The following NHS variants were observed in gnomAD, a reference collection of about 807,000 sequenced individuals.
NHS encodes the protein NHS actin remodeling regulator, also known as actin remodeling regulator NHS.
Under a neutral mutation model 72.5 loss-of-function variants are expected in NHS, and 5 were observed. That is an observed-to-expected ratio of 0.07 (90% confidence interval 0.04 to 0.14). NHS has a LOEUF of 0.14. Ranked by LOEUF, NHS falls within the 10% of genes least tolerant of loss-of-function variation. The probability of loss-of-function intolerance (pLI) is 1.00; values close to 1 mark genes in which losing one functional copy is unlikely to be tolerated. For synonymous variants in NHS, 464 were observed against 547.7 expected (o/e 0.85, Z 2.13); for missense variants, 1,072 against 1,355.7 (o/e 0.79, Z 3.29).
intron 1 of NHS, among the ~76,000 whole-genome samples, chrX:17,389,086 C>A (rs2064426091): frequency 8.9e-6 from 1 of 111,761 alleles, no homozygotes; most frequent in African/African-American, 3.3e-5. Flanking sequence ...GATTAATCTG[C>A]TGTCTTGGAA....
chrX:17,712,361 T>TAC (rs745619023), intron 3 of NHS, among the ~76,000 whole-genome samples: 2,107 of 77,021 alleles, frequency 0.027, 39 homozygotes, highest in East Asian at 0.081. Flanking sequence ...CACATTTGTA[T>TAC]ACACACACAC....
chrX:17,546,636 G>T (rs1298123083), intron 1 of NHS, among the ~76,000 whole-genome samples: 1 of 111,702 alleles, frequency 9.0e-6, no homozygotes, highest in Non-Finnish European at 1.9e-5. Context: ...TGCCCACAAG[G>T]AGCTCACACC....
chrX:17,570,375 C>T lies in NHS; in HGVS notation c.566-117367C>T, dbSNP rs757936980. Among the ~76,000 whole-genome samples the T allele has an allele frequency of 4.6e-4, 51 of 111,880 alleles. No homozygotes were observed. In the Middle Eastern group the frequency reaches 0.014, roughly 31 times the overall value. ...AGTGGTTTGTAGTTCTCATTGAAGA[C>T]GTCCTTCACATTCCTTGTAAGTTGT... On this transcript the variant is annotated intron_variant, in intron 1 of 8. Coordinates refer to ENST00000676302, the MANE Select transcript of NHS (RefSeq NM_001291867.2).
intron 1 of NHS, among the ~76,000 whole-genome samples, chrX:17,524,843 A>T: frequency 8.9e-6 from 1 of 112,593 alleles, no homozygotes; most frequent in Admixed American, 9.4e-5. Context: ...TAAATATCCC[A>T]TTCCTCATCA....
chrX:17,558,541 G>A (rs1174780442), intron 1 of NHS, among the ~76,000 whole-genome samples: 1 of 112,448 alleles, frequency 8.9e-6, no homozygotes, highest in Non-Finnish European at 1.9e-5. Flanking sequence ...ACAGAGCTAA[G>A]TTCTGACCCC....
chrX:17,448,537 CTCACATAG>C (rs2064792419), intron 1 of NHS, among the ~76,000 whole-genome samples: 1 of 112,166 alleles, frequency 8.9e-6, no homozygotes, highest in South Asian at 3.7e-4. Context: ...TGACTTCCAG[CTCACATAG>C]TGCCATCTCA....
At chrX:17,416,819 T>TGTGTGTGTGTGTGTGA (rs1445369548) in intron 1 of NHS, among the ~76,000 whole-genome samples, 14 of 98,196 alleles carry the variant, frequency 1.4e-4, no homozygotes, top group African/African-American at 4.7e-4. Context: ...TGTGTGTGTG[T>TGTGTGTGTGTGTGTGA]GAGAGAGAGA....
chrX:17,623,641 C>A (rs1029418159), intron 1 of NHS, among the ~76,000 whole-genome samples: 4 of 111,850 alleles, frequency 3.6e-5, no homozygotes, highest in African/African-American at 1.3e-4. Flanking sequence ...TCTCAACTGA[C>A]AGGAACCTAG....
chrX:17,477,320 A>C (rs1463601833), intron 1 of NHS, among the ~76,000 whole-genome samples: 1 of 111,674 alleles, frequency 9.0e-6, no homozygotes, highest in Non-Finnish European at 1.9e-5. Flanking sequence ...CAAAGGAAAT[A>C]GTAAGTGCAA....
At chrX:17,386,663 C>CAAAAAAAAAAAAAAAAAAA (rs1184465152) in intron 1 of NHS, among the ~76,000 whole-genome samples, 2 of 38,420 alleles carry the variant, frequency 5.2e-5, no homozygotes, top group Admixed American at 3.4e-4. Context: ...AACTCTGTCT[C>CAAAAAAAAAAAAAAAAAAA]AAAAAAAAAA....
chrX:17,375,835 C>A lies in NHS; in HGVS notation c.78C>A (p.Asp26Glu). ...QRRPAPGPAVDASGGSAEPPP... is the reference protein window; with the variant it reads ...QRRPAPGPAVEASGGSAEPPP... ...GCCCTGCGCCCGGCCCAGCAGTGGACGCGAGCGGAGGCAGCGCTGAGCCGC... is the reference window on the plus strand; with the variant it reads ...GCCCTGCGCCCGGCCCAGCAGTGGAAGCGAGCGGAGGCAGCGCTGAGCCGC... The change falls in exon 1 of 9, where the codon GAC (aspartate) becomes GAA (glutamate). Residue 26 changes from aspartate to glutamate, a missense_variant. Asp to Glu is a conservative substitution (Grantham distance 45, BLOSUM62 2). Transcript: ENST00000676302. 3 of 1,146,976 alleles carry A rather than the reference C, an allele frequency of 2.6e-6. No homozygotes were observed. The highest frequency in any genetic ancestry group is 3.5e-6 in the Non-Finnish European group (3 of 869,233). 94.5% of individuals were successfully genotyped at this position (1,146,976 alleles called of 1,213,427 possible). A position where few individuals can be genotyped will look rare whatever the true frequency, so the allele number is the denominator to read the frequency against.
chrX:17,699,528 C>T (rs1296554882), intron 3 of NHS, among the ~76,000 whole-genome samples: 1 of 111,995 alleles, frequency 8.9e-6, no homozygotes, highest in African/African-American at 3.2e-5. Context: ...TGTTTCTCAA[C>T]CTCAGCACTG....
intron 1 of NHS, among the ~76,000 whole-genome samples, chrX:17,683,899 T>C (rs915292536): frequency 9.0e-6 from 1 of 111,648 alleles, no homozygotes; most frequent in African/African-American, 3.3e-5. Context: ...ATTAGTGATA[T>C]GGTTTGGCTA....
At chrX:17,564,969 A>ATTTTTTTTTTTTTTTTTTTTTTTTTTTTT in intron 1 of NHS, among the ~76,000 whole-genome samples, 1 of 99,944 alleles carries the variant, frequency 1.0e-5, no homozygotes, top group Admixed American at 1.0e-4. Context: ...GTACAGCCAC[A>ATTTTTTTTTTTTTTTTTTTTTTTTTTTTT]TTTTTTTTTA....
chrX:17,700,108 G>T (rs1255775280), intron 3 of NHS, among the ~76,000 whole-genome samples: 1 of 111,125 alleles, frequency 9.0e-6, no homozygotes, highest in Non-Finnish European at 1.9e-5. Context: ...AAAAATATAG[G>T]CATGTTTCTT....
At chrX:17,499,362 C>G (rs1204648740) in intron 1 of NHS, among the ~76,000 whole-genome samples, 1 of 111,459 alleles carries the variant, frequency 9.0e-6, no homozygotes, top group Non-Finnish European at 1.9e-5. Flanking sequence ...TCCAGCCTCA[C>G]CTTCCCCTAC....
At chrX:17,634,592 G>A (rs906045142) in intron 1 of NHS, among the ~76,000 whole-genome samples, 1 of 111,346 alleles carries the variant, frequency 9.0e-6, no homozygotes, top group Non-Finnish European at 1.9e-5. Context: ...TTCTTGCCAA[G>A]AGGAAGATCT....
intron 1 of NHS, among the ~76,000 whole-genome samples, chrX:17,556,922 C>A (rs1339392155): frequency 3.7e-5 from 4 of 108,392 alleles, no homozygotes; most frequent in Admixed American, 3.0e-4. Context: ...TGTGTTGTAA[C>A]TAAAAAATGG....
At chrX:17,630,393 C>T (rs2065818763) in intron 1 of NHS, among the ~76,000 whole-genome samples, 1 of 108,734 alleles carries the variant, frequency 9.2e-6, no homozygotes, top group Admixed American at 9.9e-5. Context: ...GACCACAACT[C>T]CTAGCAGGTT....
Sources: gnomAD v4.1 joint callset for allele counts (sites outside exome capture counted in the v4.1 genomes callset) on GRCh38, gnomAD v4.1.1 for gene constraint, MANE v1.5 for transcripts, NCBI Gene and HGNC (gene_info 2026-07-23, HGNC 2026-07-21) for gene names.